The following SFSWAP variants were observed in gnomAD, a reference collection of about 807,000 sequenced individuals.
SFSWAP encodes the protein splicing factor SWAP.
In SFSWAP, 17 loss-of-function variants were observed where a neutral mutation model predicts 100.7. The observed-to-expected ratio is 0.17, with a 90% CI of 0.12 to 0.25. The LOEUF is 0.25. SFSWAP is among the 10% of genes least tolerant of loss of function. The probability of loss-of-function intolerance (pLI) is 1.00; values close to 1 mark genes in which losing one functional copy is unlikely to be tolerated. For missense variants in SFSWAP, 1,005 were observed against 1,262.6 expected, an observed-to-expected ratio of 0.80 and a Z score of 3.09; for synonymous variants, 504 against 510.1, an observed-to-expected ratio of 0.99 and a Z score of 0.16.
rs1382368322 is a variant in SFSWAP at position 131,711,114 on chromosome 12, G to T, written c.-116G>T. Reference sequence around the variant, plus strand: ...CATTTTGTGGCCCGCTATGGCGGCGGTGTTGAGGTTGGGTACGGGATGCGG... The same window carrying T: ...CATTTTGTGGCCCGCTATGGCGGCGTTGTTGAGGTTGGGTACGGGATGCGG... On this transcript the variant is annotated 5_prime_UTR_variant, in exon 1 of 18. Transcript: ENST00000261674. The surrounding 1 kb of genome is among the most constrained non-coding windows in gnomAD (Gnocchi z 4.9). 27 of 792,698 alleles carry T rather than the reference G, an allele frequency of 3.4e-5. No homozygotes were observed. The highest frequency in any genetic ancestry group is 4.9e-5 in the Non-Finnish European group (25 of 514,942). The allele number at this position is 792,698 out of a possible 1,614,324, so 49.1% of individuals were successfully genotyped here.
rs1218745365 is a variant in SFSWAP, at chr12:131,794,735, A to G, written c.2535-2443A>G. ...GGACGCCCCTGCGTGGATAAGGCCC[A>G]GGTGTCAGGGTGTGCGCACTTGCCA... On this transcript the variant is annotated intron_variant, in intron 15 of 17. Transcript: ENST00000261674. This position sits in a 1 kb window ranked among gnomAD's most constrained non-coding sequence, Gnocchi z 4.8. 6.6e-6 allele frequency among the ~76,000 whole-genome samples: 1 copy of G among 152,232 alleles called. No individual in the cohort carries two copies. Among genetic ancestry groups the G allele is most frequent in the African/African-American group, 2.4e-5 (1 of 41,468 alleles).
chr12:131,748,218 C>CTT (rs55709935), intron 7 of SFSWAP, among the ~76,000 whole-genome samples: 22,788 of 143,490 alleles, frequency 0.16, 2,400 homozygotes, highest in East Asian at 0.53. Flanking sequence ...TATTTTAATT[C>CTT]TTTTTTTTTT....
chr12:131,789,504 C>T (rs1234750053), intron 15 of SFSWAP, among the ~76,000 whole-genome samples: 1 of 152,098 alleles, frequency 6.6e-6, no homozygotes, highest in East Asian at 1.9e-4. Flanking sequence ...CACTGCACCC[C>T]CCACCTGGGT....
At chr12:131,772,906 C>T (rs1261444540) in intron 13 of SFSWAP, among the ~76,000 whole-genome samples, 1 of 152,138 alleles carries the variant, frequency 6.6e-6, no homozygotes, top group Admixed American at 6.6e-5. Flanking sequence ...GAAAGGGAAG[C>T]TGACAAGGGG....
intron 12 of SFSWAP, among the ~76,000 whole-genome samples, 200 bp downstream of exon 12, chr12:131,764,886 A>G (rs747222979): frequency 2.6e-5 from 4 of 152,220 alleles, no homozygotes; most frequent in Non-Finnish European, 4.4e-5. Context: ...ACTGAGCCTC[A>G]AATGCAGTGC....
rs757302981 is a variant in SFSWAP, at chr12:131,714,953, G to A, written c.520G>A (p.Glu174Lys). ...GGAGGAGGAGCCTTCCAAACAGAGA[G>A]GTGAGTGGGGAGCTGCCTGGACTGC... The part of the protein sequence containing the change: ...TEEEEPSKQR[E>K]KNEAENLEEN... The change falls in exon 3 of 18, where the codon GAA (glutamate) becomes AAA (lysine). Residue 174 changes from glutamate (E) to lysine (K), a missense_variant and splice_region_variant. Physicochemically the swap from Glu to Lys is moderately conservative, Grantham distance 56. Transcript: ENST00000261674. This position sits in a 1 kb window ranked among gnomAD's most constrained non-coding sequence, Gnocchi z 6.0. 4.0e-5 allele frequency: 64 copies of A among 1,613,734 alleles called. No homozygotes were observed. The highest frequency in any genetic ancestry group is 4.7e-5 in the Non-Finnish European group (56 of 1,180,000).
chr12:131,753,959 G>A (rs143226392), intron 8 of SFSWAP, among the ~76,000 whole-genome samples: 413 of 152,244 alleles, frequency 2.7e-3, no homozygotes, highest in Middle Eastern at 6.8e-3. Context: ...TGAAACACGC[G>A]AGTTTCTGTG....
intron 8 of SFSWAP, among the ~76,000 whole-genome samples, chr12:131,753,758 T>C (rs1198808000): frequency 3.3e-5 from 5 of 152,206 alleles, no homozygotes; most frequent in Admixed American, 2.0e-4. Flanking sequence ...GGGTGCTTCA[T>C]GAGTCTCTCC....
intron 13 of SFSWAP, among the ~76,000 whole-genome samples, chr12:131,767,794 G>A (rs910113772): frequency 1.3e-5 from 2 of 152,074 alleles, no homozygotes; most frequent in Non-Finnish European, 2.9e-5. Flanking sequence ...AGCACACATG[G>A]ACACAGAGAA....
At chr12:131,726,787 T>C (rs1007922798) in intron 5 of SFSWAP, among the ~76,000 whole-genome samples, 153 bp from the exon 6 acceptor site, 7 of 152,258 alleles carry the variant, frequency 4.6e-5, no homozygotes, top group African/African-American at 1.7e-4. Flanking sequence ...GGCCTTCTTC[T>C]GGACAACTTG....
intron 13 of SFSWAP, among the ~76,000 whole-genome samples, chr12:131,774,742 A>C (rs1001738231): frequency 2.1e-5 from 3 of 145,296 alleles, no homozygotes; most frequent in African/African-American, 7.3e-5. Context: ...CAACAGCTCT[A>C]GTTTTCACCT....
At chr12:131,753,393 T>G (rs779152456) in intron 8 of SFSWAP, 30 bp downstream of exon 8, 23 of 1,593,812 alleles carry the variant, frequency 1.4e-5, no homozygotes, top group East Asian at 1.3e-4. Flanking sequence ...CTGCCTGCTG[T>G]GTGAGTCACT....
intron 15 of SFSWAP, among the ~76,000 whole-genome samples, chr12:131,788,771 A>G (rs10751693): frequency 0.68 from 103,439 of 151,886 alleles, 36,269 homozygotes; most frequent in African/African-American, 0.86. Flanking sequence ...ATGAGCTCCC[A>G]TGCCTGGTAC....
intron 4 of SFSWAP, among the ~76,000 whole-genome samples, chr12:131,720,544 C>T (rs1032078671): frequency 2.0e-5 from 3 of 152,206 alleles, no homozygotes; most frequent in African/African-American, 7.2e-5. Context: ...TTGCAAGTGG[C>T]ATCGATGCAG....
At chr12:131,798,670 A>G (rs2136286616) in intron 16 of SFSWAP, among the ~76,000 whole-genome samples, 1 of 152,334 alleles carries the variant, frequency 6.6e-6, no homozygotes, top group African/African-American at 2.4e-5. Context: ...CGGGTGGATC[A>G]CCTGAGGTCA....
intron 11 of SFSWAP, chr12:131,757,873 T>G (rs527832317): frequency 6.6e-6 from 1 of 152,020 alleles, no homozygotes; most frequent in African/African-American, 2.4e-5. Context: ...ATGTAATAAG[T>G]AGAGGAGGAA....
At chr12:131,793,389 A>G (rs1885414168) in intron 15 of SFSWAP, among the ~76,000 whole-genome samples, 1 of 152,108 alleles carries the variant, frequency 6.6e-6, no homozygotes, top group African/African-American at 2.4e-5. Flanking sequence ...CAGCCAGGAA[A>G]CTCTTTCCAA....
chr12:131,757,038 C>T (rs1882237450), intron 11 of SFSWAP: 1 of 167,616 alleles, frequency 6.0e-6, no homozygotes, highest in Admixed American at 5.7e-5. Context: ...CAATACTTCA[C>T]TCACTCGATT....
chr12:131,711,514 C>G lies in SFSWAP; in HGVS notation c.218+67C>G. The G allele has an allele frequency of 7.4e-7, 1 of 1,358,360 alleles. No homozygotes were observed. The highest frequency in any genetic ancestry group is 1.0e-6 in the Non-Finnish European group (1 of 961,250). The allele number at this position is 1,358,360 out of a possible 1,614,324, so 84.1% of individuals were successfully genotyped here. ...CCCGCTTGATCTCGTCTGATGTTGACTTGACTGCAAGGACTGCAGAGAGTT... is the reference window on the plus strand; with the variant it reads ...CCCGCTTGATCTCGTCTGATGTTGAGTTGACTGCAAGGACTGCAGAGAGTT... On this transcript the variant is annotated intron_variant, in intron 1 of 17. Transcript: ENST00000261674. The surrounding 1 kb of genome is among the most constrained non-coding windows in gnomAD (Gnocchi z 4.9).
Sources: gnomAD v4.1 joint callset for allele counts (sites outside exome capture counted in the v4.1 genomes callset) on GRCh38, gnomAD v4.1.1 for gene constraint, Gnocchi (gnomAD v3.1) non-coding constraint, MANE v1.5 for transcripts, NCBI Gene and HGNC (gene_info 2026-07-23, HGNC 2026-07-21) for gene names.